TPO: variants seen among roughly 807,000 people sequenced by gnomAD.
TPO encodes the protein thyroid microsomal antigen.
In TPO, 78 loss-of-function variants were observed where a neutral mutation model predicts 96.9. The observed-to-expected ratio is 0.81, with a 90% CI of 0.67 to 0.97. The LOEUF (loss-of-function observed/expected upper bound fraction) is 0.97. TPO is among the 50% of genes least tolerant of loss of function. TPO has a pLI of 0.00. For missense variants in TPO, 1,252 were observed against 1,274.8 expected, an observed-to-expected ratio of 0.98 and a Z score of 0.27; for synonymous variants, 547 against 538.0, an observed-to-expected ratio of 1.02 and a Z score of -0.23.
chr2:1,509,686 T>C (rs1673872365), intron 14 of TPO, among the ~76,000 whole-genome samples: 1 of 86,872 alleles, frequency 1.2e-5, no homozygotes, highest in African/African-American at 5.0e-5. Context: ...AACCACACTC[T>C]CTGGTTTCAG....
intron 16 of TPO, 85 bp downstream of exon 16, chr2:1,540,808 C>T: frequency 1.2e-6 from 2 of 1,608,278 alleles, no homozygotes; most frequent in Non-Finnish European, 1.7e-6. Flanking sequence ...TGCTGGGGCT[C>T]CCTGCATATT....
intron 2 of TPO, among the ~76,000 whole-genome samples, chr2:1,415,627 G>A: frequency 6.6e-6 from 1 of 150,538 alleles, no homozygotes; most frequent in Non-Finnish European, 1.5e-5. Flanking sequence ...CTGGGCCTCT[G>A]CACATAGTCC....
chr2:1,479,066 C>T (rs1257593155), intron 8 of TPO, among the ~76,000 whole-genome samples: 1 of 152,252 alleles, frequency 6.6e-6, no homozygotes, highest in East Asian at 1.9e-4. Flanking sequence ...CAGGCACCCA[C>T]GTCGCTTTCA....
intron 15 of TPO, among the ~76,000 whole-genome samples, chr2:1,520,727 A>G (rs1415306748): frequency 2.0e-5 from 3 of 152,244 alleles, no homozygotes; most frequent in African/African-American, 7.2e-5. Context: ...GTTTTCACCA[A>G]GTTGAATTCT....
In TPO at chr2:1,542,508, A is replaced by G; in HGVS notation, c.*34A>G. 1 of 1,613,648 alleles carries G rather than the reference A, an allele frequency of 6.2e-7. No individual in the cohort carries two copies. The highest frequency in any genetic ancestry group is 8.5e-7 in the Non-Finnish European group (1 of 1,179,884). Reference sequence around the variant, plus strand: ...TGGCAGGACACTGCAGAACAGCTTCATGTTCCCAAAATCACCGTACGACTC... The same window carrying G: ...TGGCAGGACACTGCAGAACAGCTTCGTGTTCCCAAAATCACCGTACGACTC... On this transcript the variant is annotated 3_prime_UTR_variant, in exon 17 of 17. Transcript: ENST00000329066.
intron 1 of TPO, among the ~76,000 whole-genome samples, chr2:1,389,989 C>T (rs931346407): frequency 4.5e-4 from 68 of 151,404 alleles, no homozygotes; most frequent in Admixed American, 3.4e-3. Context: ...CCCTGGCATA[C>T]AAGAGGTTAA....
At chr2:1,486,373 A>G (rs192268533) in intron 9 of TPO, among the ~76,000 whole-genome samples, 68 of 152,008 alleles carry the variant, frequency 4.5e-4, no homozygotes, top group African/African-American at 1.5e-3. Flanking sequence ...AATACAAAAT[A>G]AACAAACAAA....
rs115367477 is a variant in TPO, at chr2:1,418,963, C to G, written c.95-4082C>G. Reference sequence around the variant, plus strand: ...AGGAGCAAAGCTCTGGCCCTGGGGGCTTATGGTTTTGGAGAAGAAAGATTT... The same window carrying G: ...AGGAGCAAAGCTCTGGCCCTGGGGGGTTATGGTTTTGGAGAAGAAAGATTT... On this transcript the variant is annotated intron_variant, in intron 2 of 16. Coordinates refer to ENST00000329066, the MANE Select transcript of TPO (RefSeq NM_001206744.2). Among the ~76,000 whole-genome samples, 1,054 of 152,264 alleles carry G rather than the reference C, an allele frequency of 6.9e-3. 22 individuals are homozygous for G. Among genetic ancestry groups the G allele is most frequent in the African/African-American group, 0.023 (970 of 41,558 alleles).
chr2:1,469,384 C>T (rs1197662176), intron 7 of TPO, among the ~76,000 whole-genome samples: 1 of 152,170 alleles, frequency 6.6e-6, no homozygotes, highest in Non-Finnish European at 1.5e-5. Flanking sequence ...CAGATTCTTT[C>T]GCCCCAGGGG....
chr2:1,484,755 C>T lies in TPO; in HGVS notation c.1498C>T (p.Leu500=). The T allele has an allele frequency of 6.2e-7, 1 of 1,614,144 alleles. No individual in the cohort carries two copies. The highest frequency in any genetic ancestry group is 8.5e-7 in the Non-Finnish European group (1 of 1,180,042). ...FRFGHATIHP[L]VRRLDASFQE... ...CTTCGGCCATGCCACGATCCACCCG[C>T]TGGTGAGGAGGCTGGACGCCAGCTT... The change falls in exon 9 of 17, where the codon CTG becomes TTG. Residue 500 remains leucine (L), a synonymous_variant. Transcript: ENST00000329066.
chr2:1,458,120 G>A (rs1014762635), intron 7 of TPO, among the ~76,000 whole-genome samples: 4 of 151,824 alleles, frequency 2.6e-5, no homozygotes, highest in Non-Finnish European at 5.9e-5. Flanking sequence ...AAGATAGTGT[G>A]CAGGCACGTG....
In TPO at chr2:1,496,597, G is replaced by GAC; in HGVS notation, c.2220_2221dup (p.Lys741ThrfsTer58). ...GTCAACCTGTCCACATTTCATAGACGACAAGTGTGGCTTCCCAGAGAGCGT... is the reference window on the plus strand; with the variant it reads ...GTCAACCTGTCCACATTTCATAGACGACACAAGTGTGGCTTCCCAGAGAGCGT... On this transcript the variant is annotated frameshift_variant, in exon 13 of 17. Transcript: ENST00000329066. LOFTEE classifies it high-confidence loss of function. 2 of 1,613,890 alleles carry GAC rather than the reference G, an allele frequency of 1.2e-6. No individual in the cohort carries two copies. Among genetic ancestry groups the GAC allele is most frequent in the South Asian group, 2.2e-5 (2 of 91,052 alleles).
Position 1,433,506 on chromosome 2 carries a change from C to A in TPO, c.248C>A (p.Thr83Lys). Residue 83 changes from threonine to lysine, a missense_variant, in exon 4 of 17, where the codon ACA becomes AAA. Coordinates refer to ENST00000329066, the MANE Select transcript of TPO (RefSeq NM_001206744.2). ...LLSFSKLPEP[T>K]SGVIARAAEI... ...TCTTTTTCCAAACTTCCTGAGCCAA[C>A]AAGCGGAGTGATTGCCCGAGCAGCA... is the stretch of plus-strand genomic sequence containing the variant. 4 of 1,614,224 alleles carry A rather than the reference C, an allele frequency of 2.5e-6. No homozygotes were observed. The highest frequency in any genetic ancestry group is 3.4e-6 in the Non-Finnish European group (4 of 1,180,046).
intron 1 of TPO, among the ~76,000 whole-genome samples, chr2:1,386,300 T>C (rs532292591): frequency 6.6e-6 from 1 of 152,324 alleles, no homozygotes; most frequent in East Asian, 1.9e-4. Flanking sequence ...ATCTGTCTAA[T>C]GTTGACAGTG....
rs199943156 is a variant in TPO at position 1,453,808 on chromosome 2, G to A, written c.597G>A (p.Gly199=). 46 of 1,613,686 alleles carry A rather than the reference G, an allele frequency of 2.9e-5. No individual in the cohort carries two copies. The highest frequency in any genetic ancestry group is 1.6e-4 in the Middle Eastern group (1 of 6,084). The change falls in exon 6 of 17, where the codon GGG becomes GGA. Residue 199 remains glycine (G), a synonymous_variant. Transcript: ENST00000329066. ...RGWNPGFLYN[G]FPLPPVREVT... The stretch of plus-strand genomic sequence containing the variant: ...GGAACCCCGGCTTCTTGTACAACGG[G>A]TTCCCACTGCCCCCGGTGGGTACTC...
intron 1 of TPO, among the ~76,000 whole-genome samples, chr2:1,381,752 T>C (rs1661814051): frequency 1.3e-5 from 2 of 152,220 alleles, no homozygotes; most frequent in African/African-American, 4.8e-5. Context: ...AAGTGAAGAA[T>C]TAAATGTGCA....
At chr2:1,444,272 C>G (rs1201641279) in intron 5 of TPO, among the ~76,000 whole-genome samples, 2 of 132,262 alleles carry the variant, frequency 1.5e-5, no homozygotes, top group African/African-American at 5.8e-5. Context: ...CCAGTCATTG[C>G]TGCAGGAGGT....
intron 2 of TPO, 99 bp from the exon 3 acceptor site, chr2:1,422,946 G>A: frequency 7.5e-7 from 1 of 1,328,760 alleles, no homozygotes; most frequent in Non-Finnish European, 1.1e-6. Context: ...AGCCACGTGG[G>A]CATCACCGCA....
chr2:1,472,293 G>T (rs932552630), intron 7 of TPO, among the ~76,000 whole-genome samples: 1 of 151,674 alleles, frequency 6.6e-6, no homozygotes, highest in Non-Finnish European at 1.5e-5. Flanking sequence ...AAATACTCAT[G>T]CTATGTCCTT....
Sources: gnomAD v4.1 joint callset for allele counts (sites outside exome capture counted in the v4.1 genomes callset) on GRCh38, gnomAD v4.1.1 for gene constraint, MANE v1.5 for transcripts, NCBI Gene and HGNC (gene_info 2026-07-23, HGNC 2026-07-21) for gene names.